The following SIK3 variants were observed in gnomAD, a reference collection of about 807,000 sequenced individuals.
SIK3 encodes serine/threonine-protein kinase SIK3.
A neutral mutation model predicts 144.2 loss-of-function variants in SIK3; 28 were observed. That is an observed-to-expected ratio of 0.19 (90% CI 0.14 to 0.27). The LOEUF (loss-of-function observed/expected upper bound fraction) is 0.27, where lower values mean the gene tolerates loss of function less well. SIK3 is among the 10% of genes least tolerant of loss of function. The pLI is 1.00. For synonymous variants in SIK3, 686 were observed against 676.3 expected (o/e 1.01, Z -0.22); for missense variants, 1,319 against 1,776.0 (o/e 0.74, Z 4.62).
chr11:116,855,371 T>C (rs61907560), intron 21 of SIK3: 4,343 of 152,274 alleles, frequency 0.029, 90 homozygotes, highest in Non-Finnish European at 0.035. Context: ...GTTCCTTGGA[T>C]TGAAGTAATC....
chr11:116,928,772 C>T (rs1565462738), intron 3 of SIK3, among the ~76,000 whole-genome samples: 1 of 152,164 alleles, frequency 6.6e-6, no homozygotes, highest in Non-Finnish European at 1.5e-5. Flanking sequence ...ACTGTAGTCA[C>T]TTTAAGAACA....
chr11:116,897,181 G>A lies in SIK3; in HGVS notation c.741+12C>T. 1 of 1,613,172 alleles carries A rather than the reference G, an allele frequency of 6.2e-7. No homozygotes were observed. The highest frequency in any genetic ancestry group is 8.5e-7 in the Non-Finnish European group (1 of 1,179,560). On this transcript the variant is annotated intron_variant, in intron 5 of 24. Coordinates refer to ENST00000445177, the MANE Select transcript of SIK3 (RefSeq NM_001366686.3). ...CTAATGCTGTGGGGTATAAGAGAAG[G>A]CAGTTACTTACCCAGATGTCCACTT...
chr11:116,917,544 C>CA (rs1188909672), intron 4 of SIK3, among the ~76,000 whole-genome samples: 5 of 151,924 alleles, frequency 3.3e-5, no homozygotes, highest in East Asian at 1.9e-4. Flanking sequence ...CCCATCTCCA[C>CA]AAAAAATTTA....
intron 3 of SIK3, among the ~76,000 whole-genome samples, chr11:116,941,340 A>T (rs539884244): frequency 6.6e-6 from 1 of 152,028 alleles, no homozygotes; most frequent in Non-Finnish European, 1.5e-5. Flanking sequence ...AGGAGTAAAT[A>T]AACTAGTGGG....
intron 1 of SIK3, among the ~76,000 whole-genome samples, chr11:116,982,964 AAAAAAT>A (rs1190031693): frequency 5.3e-4 from 75 of 142,728 alleles, no homozygotes; most frequent in Non-Finnish European, 9.5e-4. Context: ...AAAAAAAAAA[AAAAAAT>A]TTCTGACCCG....
intron 1 of SIK3, among the ~76,000 whole-genome samples, chr11:117,066,867 T>C (rs2135981348): frequency 6.6e-6 from 1 of 152,274 alleles, no homozygotes; most frequent in South Asian, 2.1e-4. Flanking sequence ...GCAAAAGATC[T>C]GAACAAATGC....
intron 1 of SIK3, among the ~76,000 whole-genome samples, chr11:117,053,336 T>A (rs1264107482): frequency 6.8e-6 from 1 of 147,928 alleles, no homozygotes; most frequent in Non-Finnish European, 1.5e-5. Flanking sequence ...GACTCTGTCT[T>A]GGAAAAAAAA....
At chr11:116,877,960 T>C (rs931246229) in intron 6 of SIK3, among the ~76,000 whole-genome samples, 1 of 152,308 alleles carries the variant, frequency 6.6e-6, no homozygotes, top group Admixed American at 6.5e-5. Flanking sequence ...ATTTTAGGAA[T>C]AGCAAAAACC....
chr11:116,925,202 TCACGC>T (rs1947208816), intron 4 of SIK3, among the ~76,000 whole-genome samples: 1 of 150,264 alleles, frequency 6.7e-6, no homozygotes, highest in Non-Finnish European at 1.5e-5. Flanking sequence ...TGAGCTGAGA[TCACGC>T]CACTGCCCTC....
intron 1 of SIK3, among the ~76,000 whole-genome samples, chr11:117,043,506 C>G (rs1952831895): frequency 6.6e-6 from 1 of 152,294 alleles, no homozygotes; most frequent in East Asian, 1.9e-4. Flanking sequence ...AGTACAAGCA[C>G]TACCATTTTA....
intron 22 of SIK3, among the ~76,000 whole-genome samples, chr11:116,848,548 A>G (rs1380088069): frequency 1.3e-5 from 2 of 152,190 alleles, no homozygotes; most frequent in Non-Finnish European, 2.9e-5. Context: ...CTGCTGAAAA[A>G]TAACCAGAAG....
Position 117,021,511 on chromosome 11 carries a change from A to G in SIK3, c.274-64447T>C, listed in dbSNP as rs1951761190. Among the ~76,000 whole-genome samples, 3 of 152,302 alleles carry G rather than the reference A, an allele frequency of 2.0e-5. No homozygotes were observed. In the South Asian group the frequency reaches 6.2e-4, roughly 32 times the overall value. On this transcript the variant is annotated intron_variant, in intron 1 of 24. Transcript: ENST00000445177. ...GAACAAAAAAGTGAGGGCCTGGCTG[A>G]GCCAATATTCTCTCTGCCTTTTAGT...
intron 6 of SIK3, among the ~76,000 whole-genome samples, chr11:116,885,687 G>T (rs1052356605): frequency 5.9e-5 from 9 of 152,180 alleles, no homozygotes; most frequent in African/African-American, 2.2e-4. Flanking sequence ...TCCATTCTAT[G>T]ACTCTCTTGA....
chr11:116,948,542 G>A (rs181161239), intron 3 of SIK3, among the ~76,000 whole-genome samples: 30 of 152,264 alleles, frequency 2.0e-4, no homozygotes, highest in African/African-American at 6.5e-4. Context: ...ATACCAAAGT[G>A]CTGGGATTAT....
rs1941752260 is a variant in SIK3 at position 116,844,458 on chromosome 11, G to C, written c.*1185C>G. On this transcript the variant is annotated 3_prime_UTR_variant, in exon 25 of 25. Transcript: ENST00000445177. ...CATTTACCAAAAACAATTTCTACATGATCAAGAATTAAAATATAGGGGCTG... is the reference window on the plus strand; with the variant it reads ...CATTTACCAAAAACAATTTCTACATCATCAAGAATTAAAATATAGGGGCTG... 2 of 150,338 alleles carry C rather than the reference G, an allele frequency of 1.3e-5. No homozygotes were observed. Among genetic ancestry groups the C allele is most frequent in the Admixed American group, 1.3e-4 (2 of 14,972 alleles). The allele number at this position is 150,338 out of a possible 1,614,324, so 9.3% of individuals were successfully genotyped here.
At chr11:116,994,434 C>T (rs1465512268) in intron 1 of SIK3, among the ~76,000 whole-genome samples, 7 of 152,314 alleles carry the variant, frequency 4.6e-5, no homozygotes, top group African/African-American at 1.7e-4. Context: ...ACTCCTTCCT[C>T]GTTTTGTGAC....
At chr11:117,064,613 C>T (rs1953929907) in intron 1 of SIK3, among the ~76,000 whole-genome samples, 1 of 152,160 alleles carries the variant, frequency 6.6e-6, no homozygotes, top group Admixed American at 6.5e-5. Context: ...CCACTGCTGC[C>T]TAGATCTTGA....
intron 3 of SIK3, among the ~76,000 whole-genome samples, chr11:116,929,613 T>C (rs1200539686): frequency 1.3e-5 from 2 of 152,192 alleles, no homozygotes; most frequent in South Asian, 2.1e-4. Context: ...GACACATCAG[T>C]TGTCCCTGGA....
At chr11:116,956,811 G>C in intron 2 of SIK3, 137 bp downstream of exon 2, 1 of 518,240 alleles carries the variant, frequency 1.9e-6, no homozygotes, top group South Asian at 4.2e-5. Flanking sequence ...GTAAACAGAA[G>C]GGTAGGAAAG....
Sources: gnomAD v4.1 joint callset for allele counts (sites outside exome capture counted in the v4.1 genomes callset) on GRCh38, gnomAD v4.1.1 for gene constraint, MANE v1.5 for transcripts, NCBI Gene and HGNC (gene_info 2026-07-23, HGNC 2026-07-21) for gene names.